ULK4: variants seen among roughly 807,000 people sequenced by gnomAD.
The protein encoded by ULK4 is inactive serine/threonine-protein kinase ULK4.
A neutral mutation model predicts 160.6 loss-of-function variants in ULK4; 133 were observed. The ratio of observed to expected loss-of-function variants is 0.83; its 90% CI spans 0.72 to 0.96. The LOEUF (loss-of-function observed/expected upper bound fraction) is 0.96, where lower values mean the gene tolerates loss of function less well. Ranked by LOEUF, ULK4 falls within the 40% of genes least tolerant of loss-of-function variation. The pLI is 0.00. For synonymous variants in ULK4, 534 were observed against 539.8 expected, an observed-to-expected ratio of 0.99 and a Z score of 0.15; for missense variants, 1,580 against 1,499.5, an observed-to-expected ratio of 1.05 and a Z score of -0.89.
chr3:41,505,742 T>A (rs2085351913), intron 32 of ULK4, among the ~76,000 whole-genome samples: 1 of 152,150 alleles, frequency 6.6e-6, no homozygotes, highest in African/African-American at 2.4e-5. Flanking sequence ...AGGTTCACAA[T>A]CATGTCATCT....
intron 34 of ULK4, among the ~76,000 whole-genome samples, chr3:41,449,816 G>A (rs894060704): frequency 6.7e-6 from 1 of 150,158 alleles, no homozygotes; most frequent in Non-Finnish European, 1.5e-5. Context: ...AACTGGCACA[G>A]TGATCTCAGA....
intron 32 of ULK4, among the ~76,000 whole-genome samples, chr3:41,520,351 G>A (rs181902932): frequency 6.5e-4 from 99 of 152,086 alleles, no homozygotes; most frequent in African/African-American, 2.3e-3. Flanking sequence ...TTAATGTAAT[G>A]TTTTCAAGGC....
chr3:41,820,789 A>T (rs530932636), intron 18 of ULK4, among the ~76,000 whole-genome samples: 1 of 152,300 alleles, frequency 6.6e-6, no homozygotes, highest in South Asian at 2.1e-4. Context: ...TAAAGTTGAA[A>T]TTTTAAAAAA....
intron 30 of ULK4, among the ~76,000 whole-genome samples, chr3:41,649,702 G>T (rs932258876): frequency 8.5e-5 from 13 of 152,192 alleles, no homozygotes; most frequent in Admixed American, 5.9e-4. Flanking sequence ...CTTGGCACAG[G>T]CCTACAGGTG....
intron 32 of ULK4, among the ~76,000 whole-genome samples, chr3:41,530,520 T>C (rs570352671): frequency 6.6e-6 from 1 of 152,172 alleles, no homozygotes; most frequent in African/African-American, 2.4e-5. Context: ...AACCCAACTT[T>C]ATTGGTCCAT....
chr3:41,270,307 CA>C (rs1400863854), intron 35 of ULK4, among the ~76,000 whole-genome samples: 1 of 152,132 alleles, frequency 6.6e-6, no homozygotes, highest in African/African-American at 2.4e-5. Context: ...CCATCATTCC[CA>C]ACCCAGCTGG....
In ULK4 at chr3:41,619,954, A is replaced by G. The variant is rs370298741; in HGVS notation, c.3072-4237T>C. Among the ~76,000 whole-genome samples, 18 of 152,324 alleles carry G rather than the reference A, an allele frequency of 1.2e-4. No individual in the cohort carries two copies. The East Asian group carries it at 1.7e-3, about 15-fold the overall frequency. On this transcript the variant is annotated intron_variant, in intron 30 of 36. Transcript: ENST00000301831. ...ACATCACCACTGATCTCACAGAAAT[A>G]CAAACTACCATCAGAGAATACTACA...
intron 21 of ULK4, among the ~76,000 whole-genome samples, chr3:41,783,285 C>T (rs1246816409): frequency 1.3e-5 from 2 of 151,876 alleles, no homozygotes; most frequent in African/African-American, 2.4e-5. Flanking sequence ...ATCTGTAATC[C>T]CAGCACTTTG....
chr3:41,564,576 A>G (rs2087722312), intron 32 of ULK4, among the ~76,000 whole-genome samples: 2 of 145,408 alleles, frequency 1.4e-5, no homozygotes, highest in Admixed American at 1.4e-4. Flanking sequence ...CTCCTGCCTC[A>G]GCCTCCCGAG....
At chr3:41,538,279 A>G (rs1612812) in intron 32 of ULK4, among the ~76,000 whole-genome samples, 68,292 of 151,894 alleles carry the variant, frequency 0.45, 16,047 homozygotes, top group Middle Eastern at 0.54. Context: ...TCAATGTGAG[A>G]TTAAGGACTA....
chr3:41,772,846 G>A (rs185146929), intron 21 of ULK4, among the ~76,000 whole-genome samples: 4 of 152,122 alleles, frequency 2.6e-5, no homozygotes, highest in Admixed American at 1.3e-4. Flanking sequence ...ACCAAATCCA[G>A]CAGCACATCA....
At chr3:41,654,722 A>T (rs1271626060) in intron 30 of ULK4, among the ~76,000 whole-genome samples, 3 of 152,208 alleles carry the variant, frequency 2.0e-5, no homozygotes, top group Non-Finnish European at 4.4e-5. Context: ...AAAACTATGA[A>T]TGTGCACCCA....
At chr3:41,336,053 T>C (rs1374785804) in intron 35 of ULK4, among the ~76,000 whole-genome samples, 6 of 152,198 alleles carry the variant, frequency 3.9e-5, no homozygotes, top group Admixed American at 3.3e-4. Flanking sequence ...TGAATGCCTA[T>C]GTGATCTTTG....
chr3:41,401,215 C>G (rs968855236), intron 34 of ULK4, among the ~76,000 whole-genome samples: 1 of 152,138 alleles, frequency 6.6e-6, no homozygotes, highest in African/African-American at 2.4e-5. Context: ...TGCTGAAACA[C>G]GTGTCCTGAA....
intron 5 of ULK4, among the ~76,000 whole-genome samples, chr3:41,927,577 C>T (rs1004053459): frequency 2.6e-5 from 4 of 151,050 alleles, no homozygotes; most frequent in African/African-American, 9.7e-5. Flanking sequence ...AGTTAAGACC[C>T]ATCAGTGTGC....
At chr3:41,804,411 A>G (rs1268385589) in intron 19 of ULK4, among the ~76,000 whole-genome samples, 1 of 151,250 alleles carries the variant, frequency 6.6e-6, no homozygotes, top group African/African-American at 2.4e-5. Flanking sequence ...GGTTGCAAAA[A>G]TTTTCTCCCA....
At chr3:41,353,717 C>T (rs1289948091) in intron 35 of ULK4, among the ~76,000 whole-genome samples, 2,493 of 147,372 alleles carry the variant, frequency 0.017, 73 homozygotes, top group African/African-American at 0.06. Context: ...ACTACTACTA[C>T]TACTACTACT....
At chr3:41,667,209 A>G (rs2035376026) in intron 29 of ULK4, among the ~76,000 whole-genome samples, 1 of 151,946 alleles carries the variant, frequency 6.6e-6, no homozygotes, top group Non-Finnish European at 1.5e-5. Flanking sequence ...AACATTACTG[A>G]CTGAAATCAA....
At chr3:41,565,228 A>ATGAC (rs2087743961) in intron 32 of ULK4, among the ~76,000 whole-genome samples, 1 of 152,256 alleles carries the variant, frequency 6.6e-6, no homozygotes, top group South Asian at 2.1e-4. Context: ...TACGTAATGC[A>ATGAC]TGACTGTACA....
Sources: allele counts gnomAD v4.1 joint callset (sites outside exome capture counted in the v4.1 genomes callset), GRCh38; gene constraint gnomAD v4.1.1; transcripts MANE v1.5; gene names NCBI Gene and HGNC (gene_info 2026-07-23, HGNC 2026-07-21).